EPM2A: variants seen among roughly 807,000 people sequenced by gnomAD.
EPM2A encodes laforin.
Under a neutral mutation model 26.5 loss-of-function variants are expected in EPM2A, and 21 were observed. The ratio of observed to expected loss-of-function variants is 0.79; its 90% CI spans 0.56 to 1.14. EPM2A has a LOEUF of 1.14. Ranked by LOEUF, EPM2A falls within the 50% of genes most tolerant of loss-of-function variation. The pLI, the probability that EPM2A is intolerant of heterozygous loss-of-function variation, is 0.00. For synonymous variants in EPM2A, 217 were observed against 177.6 expected (o/e 1.22, Z -1.76); for missense variants, 458 against 440.8 (o/e 1.04, Z -0.35).
At chr6:145,416,806 GACA>G (rs1235516027) in intron 4 of EPM2A, among the ~76,000 whole-genome samples, 2 of 151,562 alleles carry the variant, frequency 1.3e-5, no homozygotes, top group Non-Finnish European at 2.9e-5. Context: ...TAGACAAACT[GACA>G]ACATTTTGAG....
intron 4 of EPM2A, among the ~76,000 whole-genome samples, chr6:145,439,522 A>T (rs1252765470): frequency 6.6e-6 from 1 of 152,100 alleles, no homozygotes; most frequent in Admixed American, 6.6e-5. Context: ...CTGACGTGAG[A>T]TGGTATCTCA....
At chr6:145,659,238 G>A (rs868198355) in intron 2 of EPM2A, among the ~76,000 whole-genome samples, 13 of 152,038 alleles carry the variant, frequency 8.6e-5, no homozygotes, top group Non-Finnish European at 1.0e-4. Context: ...GGGGTGGGAG[G>A]ATTCACGTAA....
chr6:145,726,716 A>T (rs1484058964), intron 1 of EPM2A, among the ~76,000 whole-genome samples: 1 of 152,166 alleles, frequency 6.6e-6, no homozygotes, highest in Non-Finnish European at 1.5e-5. Context: ...TCTGCAAAAT[A>T]CCTGATGAAT....
intron 1 of EPM2A, among the ~76,000 whole-genome samples, chr6:145,699,442 T>C (rs1466060016): frequency 6.6e-6 from 1 of 152,114 alleles, no homozygotes; most frequent in East Asian, 1.9e-4. Flanking sequence ...GTGGTGTGCA[T>C]ATGAATGTAG....
intron 2 of EPM2A, among the ~76,000 whole-genome samples, chr6:145,678,169 G>A (rs1780209971): frequency 6.6e-6 from 1 of 152,210 alleles, no homozygotes; most frequent in African/African-American, 2.4e-5. Flanking sequence ...ACAAAAGCAA[G>A]AAATGGGGGA....
intron 2 of EPM2A, chr6:145,637,637 T>C (rs1562427963): frequency 1.3e-5 from 2 of 152,210 alleles, no homozygotes; most frequent in Non-Finnish European, 2.9e-5. Context: ...AAGGCCTTCA[T>C]CTTATCCCTG....
chr6:145,386,493 T>A (rs1349411246), intron 4 of EPM2A, among the ~76,000 whole-genome samples: 1 of 152,160 alleles, frequency 6.6e-6, no homozygotes, highest in Non-Finnish European at 1.5e-5. Flanking sequence ...TTCAATCATA[T>A]AATAGAGCCG....
At chr6:145,465,714 T>C (rs1261059452) in intron 4 of EPM2A, among the ~76,000 whole-genome samples, 1 of 152,054 alleles carries the variant, frequency 6.6e-6, no homozygotes, top group Non-Finnish European at 1.5e-5. Flanking sequence ...GCAGGTCTGT[T>C]GGAGTACCCG....
rs941735034 is a variant in EPM2A, at chr6:145,426,958, G to A, written c.556-42861C>T. The stretch of plus-strand genomic sequence containing the variant: ...TATTTCTCTTCTTTTTAGTTTAGGT[G>A]CATAGATACATAGTTCATTCTGAAT... On this transcript the variant is annotated intron_variant, in intron 4 of 4. Transcript: ENST00000638717. Among the ~76,000 whole-genome samples, 20 of 152,152 alleles carry A rather than the reference G, an allele frequency of 1.3e-4. 1 individual carries two copies. In the East Asian group the frequency reaches 3.7e-3, roughly 28 times the overall value.
At chr6:145,420,293 A>T (rs929301354) in intron 4 of EPM2A, among the ~76,000 whole-genome samples, 3 of 152,164 alleles carry the variant, frequency 2.0e-5, no homozygotes, top group Non-Finnish European at 4.4e-5. Flanking sequence ...TTCAGATCAT[A>T]TGGAATATAC....
At chr6:145,682,264 A>C (rs1458900479) in intron 2 of EPM2A, 2 of 152,126 alleles carry the variant, frequency 1.3e-5, no homozygotes, top group Non-Finnish European at 2.9e-5. Context: ...ATTCACTATC[A>C]CGAGAACAGT....
intron 2 of EPM2A, among the ~76,000 whole-genome samples, chr6:145,513,305 T>C (rs1304194236): frequency 2.0e-5 from 3 of 152,046 alleles, no homozygotes; most frequent in Non-Finnish European, 4.4e-5. Context: ...GAAAAAAATG[T>C]TCAACATAAC....
intron 2 of EPM2A, among the ~76,000 whole-genome samples, chr6:145,603,746 A>T (rs1781446862): frequency 6.6e-6 from 1 of 152,206 alleles, no homozygotes; most frequent in Non-Finnish European, 1.5e-5. Context: ...TTATTTCTGA[A>T]CTATCTAAAA....
chr6:145,501,446 C>T (rs17724599), downstream of EPM2A: 13,484 of 172,608 alleles, frequency 0.078, 640 homozygotes, highest in East Asian at 0.16. Flanking sequence ...TTCTATTTTC[C>T]GAATGTTTCC....
At chr6:145,668,600 TAC>T (rs900857638) in intron 2 of EPM2A, among the ~76,000 whole-genome samples, 1 of 152,094 alleles carries the variant, frequency 6.6e-6, no homozygotes, top group African/African-American at 2.4e-5. Context: ...CTTGTGAAGA[TAC>T]AATAATTAAG....
At chr6:145,433,665 G>A (rs1778949785) in intron 4 of EPM2A, among the ~76,000 whole-genome samples, 1 of 152,082 alleles carries the variant, frequency 6.6e-6, no homozygotes, top group South Asian at 2.1e-4. Flanking sequence ...TGGAAACTGA[G>A]ACTTCCAGTG....
intron 4 of EPM2A, among the ~76,000 whole-genome samples, chr6:145,439,701 A>T (rs13196064): frequency 3.3e-5 from 5 of 152,058 alleles, no homozygotes; most frequent in African/African-American, 1.2e-4. Context: ...AGTTCCTTGA[A>T]GATTTTGGAT....
chr6:145,691,720 G>A (rs1303923648), intron 1 of EPM2A, among the ~76,000 whole-genome samples: 4 of 151,966 alleles, frequency 2.6e-5, no homozygotes, highest in Non-Finnish European at 4.4e-5. Context: ...CAACTATGAT[G>A]TTAGGTATAT....
At chr6:145,609,004 TTG>T (rs1775332414) in intron 2 of EPM2A, among the ~76,000 whole-genome samples, 2 of 152,240 alleles carry the variant, frequency 1.3e-5, no homozygotes, top group Non-Finnish European at 2.9e-5. Flanking sequence ...TTTAATGTAT[TTG>T]GCTAAGACAT....
Sources: gnomAD v4.1 joint callset for allele counts (sites outside exome capture counted in the v4.1 genomes callset) on GRCh38, gnomAD v4.1.1 for gene constraint, MANE v1.5 for transcripts, NCBI Gene and HGNC (gene_info 2026-07-23, HGNC 2026-07-21) for gene names.